The following SCHIP1 variants were observed in gnomAD, a reference collection of about 807,000 sequenced individuals.
SCHIP1 encodes schwannomin interacting protein 1, also known as schwannomin-interacting protein 1.
Under a neutral mutation model 29.7 loss-of-function variants are expected in SCHIP1, and 8 were observed. The ratio of observed to expected loss-of-function variants is 0.27; its 90% CI spans 0.16 to 0.49. The LOEUF (loss-of-function observed/expected upper bound fraction) is 0.49. Ranked by LOEUF, SCHIP1 falls within the 20% of genes least tolerant of loss-of-function variation. SCHIP1 has a pLI of 0.99. For missense variants in SCHIP1, 193 were observed against 294.6 expected (o/e 0.66, Z 2.52); for synonymous variants, 76 against 94.9 (o/e 0.80, Z 1.16).
chr3:159,789,351 A>G, the SCHIP1 span, among the ~76,000 whole-genome samples: 1 of 152,206 alleles, frequency 6.6e-6, no homozygotes, highest in Non-Finnish European at 1.5e-5. Flanking sequence ...ATGGAGAGTA[A>G]TCTGTTTTAC....
chr3:159,788,515 T>C, the SCHIP1 span, among the ~76,000 whole-genome samples: 4 of 152,174 alleles, frequency 2.6e-5, no homozygotes, highest in African/African-American at 9.7e-5. Context: ...CTACACACTC[T>C]AGAAGATTCC....
chr3:159,490,620 T>A, the SCHIP1 span, among the ~76,000 whole-genome samples: 1 of 152,134 alleles, frequency 6.6e-6, no homozygotes, highest in African/African-American at 2.4e-5. Context: ...AGTGGAGAAA[T>A]GATGAATCTA....
At chr3:159,415,847 T>G in the SCHIP1 span, among the ~76,000 whole-genome samples, 1 of 152,204 alleles carries the variant, frequency 6.6e-6, no homozygotes, top group Non-Finnish European at 1.5e-5. Flanking sequence ...GTACTCAATA[T>G]TGTTATTACT....
chr3:159,638,158 C>T, the SCHIP1 span, among the ~76,000 whole-genome samples: 1 of 152,184 alleles, frequency 6.6e-6, no homozygotes, highest in African/African-American at 2.4e-5. Context: ...ACAGACTGTC[C>T]TTGCCTCCTG....
At chr3:159,540,779 C>T in the SCHIP1 span, among the ~76,000 whole-genome samples, 1 of 152,066 alleles carries the variant, frequency 6.6e-6, no homozygotes, top group Non-Finnish European at 1.5e-5. Context: ...TTTTAATTTT[C>T]TCTTAATTTC....
the SCHIP1 span, among the ~76,000 whole-genome samples, chr3:159,695,714 C>T: frequency 1.3e-5 from 2 of 152,274 alleles, no homozygotes; most frequent in African/African-American, 4.8e-5. Flanking sequence ...CTATTTGTCC[C>T]ATTGCTTCTA....
chr3:159,792,176 CTTG>C, the SCHIP1 span, among the ~76,000 whole-genome samples: 1 of 152,070 alleles, frequency 6.6e-6, no homozygotes, highest in Non-Finnish European at 1.5e-5. Context: ...TAGTGCCCTC[CTTG>C]TATTGTATTC....
chr3:159,755,717 T>G, the SCHIP1 span, among the ~76,000 whole-genome samples: 2 of 152,222 alleles, frequency 1.3e-5, no homozygotes, highest in Non-Finnish European at 2.9e-5. Flanking sequence ...CCTATGAGCC[T>G]GTAAAATCAA....
At chr3:159,838,160 G>A (rs557359687), upstream of SCHIP1, among the ~76,000 whole-genome samples, 7 of 152,300 alleles carry the variant, frequency 4.6e-5, no homozygotes, top group Admixed American at 2.6e-4. Flanking sequence ...TTGTGAGTGC[G>A]TCAAGGGAGT....
chr3:159,556,986 C>T, the SCHIP1 span, among the ~76,000 whole-genome samples: 1 of 150,108 alleles, frequency 6.7e-6, no homozygotes, highest in East Asian at 2.0e-4. Flanking sequence ...GAGATAGAGT[C>T]TTGCTCTGCC....
the SCHIP1 span, among the ~76,000 whole-genome samples, chr3:159,489,367 G>C: frequency 2.6e-5 from 4 of 152,142 alleles, no homozygotes; most frequent in Admixed American, 1.3e-4. Flanking sequence ...TCAACATCTT[G>C]TGCTAATTCA....
At chr3:159,792,184 G>A in the SCHIP1 span, among the ~76,000 whole-genome samples, 1 of 152,200 alleles carries the variant, frequency 6.6e-6, no homozygotes, top group South Asian at 2.1e-4. Flanking sequence ...TCCTTGTATT[G>A]TATTCAGCTC....
the SCHIP1 span, among the ~76,000 whole-genome samples, chr3:159,332,958 A>T: frequency 6.6e-6 from 1 of 152,240 alleles, no homozygotes; most frequent in East Asian, 1.9e-4. Context: ...CATGCTGGAC[A>T]GCCTGCATCA....
At chr3:159,633,269 C>T in the SCHIP1 span, among the ~76,000 whole-genome samples, 1 of 152,156 alleles carries the variant, frequency 6.6e-6, no homozygotes, top group Non-Finnish European at 1.5e-5. Flanking sequence ...TGAATTTATT[C>T]TGTAAGGAAG....
In SCHIP1 at chr3:159,874,576, A is replaced by G. The variant is rs1451810254; in HGVS notation, c.149+8295A>G. ...GAATCCAGAGAGACTTCAAAGAAAT[A>G]GGATTCACAGGGACTTTAAAAGTGA... On this transcript the variant is annotated intron_variant, in intron 2 of 6. Transcript: ENST00000445224. Among the ~76,000 whole-genome samples, 3 of 152,214 alleles carry G rather than the reference A, an allele frequency of 2.0e-5. No individual in the cohort carries two copies. The East Asian group carries it at 5.8e-4, about 29-fold the overall frequency.
chr3:159,391,053 C>T, the SCHIP1 span, among the ~76,000 whole-genome samples: 1 of 152,070 alleles, frequency 6.6e-6, no homozygotes, highest in Non-Finnish European at 1.5e-5. Context: ...TTCAGTTATA[C>T]AGTATTTTAT....
At chr3:159,703,466 T>C in the SCHIP1 span, among the ~76,000 whole-genome samples, 1 of 152,052 alleles carries the variant, frequency 6.6e-6, no homozygotes, top group East Asian at 1.9e-4. Context: ...CATAGAGATA[T>C]GGGTAAATTG....
chr3:159,470,808 G>T, the SCHIP1 span, among the ~76,000 whole-genome samples: 1 of 151,994 alleles, frequency 6.6e-6, no homozygotes, highest in Non-Finnish European at 1.5e-5. Context: ...AAAAAGGAAT[G>T]AAGTATTGAT....
At chr3:159,291,822 G>A in the SCHIP1 span, among the ~76,000 whole-genome samples, 5 of 152,000 alleles carry the variant, frequency 3.3e-5, no homozygotes, top group Admixed American at 3.3e-4. Context: ...AAAACTGAAT[G>A]TGTGATATTC....
Sources: allele counts gnomAD v4.1 joint callset (sites outside exome capture counted in the v4.1 genomes callset), GRCh38; gene constraint gnomAD v4.1.1; transcripts MANE v1.5; gene names NCBI Gene and HGNC (gene_info 2026-07-23, HGNC 2026-07-21).